The following CDC7 variants were observed in gnomAD, a reference collection of about 807,000 sequenced individuals.
The protein encoded by CDC7 is cell division cycle 7-related protein kinase.
A neutral mutation model predicts 53.5 loss-of-function variants in CDC7; 34 were observed. The ratio of observed to expected loss-of-function variants is 0.64; its 90% CI spans 0.48 to 0.85. The LOEUF (loss-of-function observed/expected upper bound fraction) is 0.85. Among genes scored for constraint, CDC7 ranks in the 40% least tolerant of loss-of-function variants. The probability of loss-of-function intolerance (pLI) is 0.00; values close to 1 mark genes in which losing one functional copy is unlikely to be tolerated. For synonymous variants in CDC7, 211 were observed against 222.8 expected, an observed-to-expected ratio of 0.95 and a Z score of 0.47; for missense variants, 594 against 679.7, an observed-to-expected ratio of 0.87 and a Z score of 1.40.
intron 1 of CDC7, 118 bp from the exon 2 acceptor site, chr1:91,501,536 T>A (rs1210837413): frequency 1.6e-6 from 1 of 614,274 alleles, no homozygotes; most frequent in Non-Finnish European, 2.9e-6. Context: ...TGCCCTACTG[T>A]GGAGGTTTGG....
intron 2 of CDC7, among the ~76,000 whole-genome samples, chr1:91,505,303 A>G (rs1453459120): frequency 6.6e-6 from 1 of 152,220 alleles, no homozygotes; most frequent in Admixed American, 6.5e-5. Flanking sequence ...AGATGTAAAG[A>G]GGCTTTCTAA....
At chr1:91,504,117 T>C (rs1467599991) in intron 2 of CDC7, among the ~76,000 whole-genome samples, 1 of 151,584 alleles carries the variant, frequency 6.6e-6, no homozygotes, top group African/African-American at 2.4e-5. Context: ...TTTTTTTTTT[T>C]TTTTGAGACA....
At chr1:91,523,515 G>A (rs1190217128) in intron 11 of CDC7, among the ~76,000 whole-genome samples, 2 of 152,088 alleles carry the variant, frequency 1.3e-5, no homozygotes, top group Non-Finnish European at 2.9e-5. Flanking sequence ...AGTAATAGTA[G>A]AACTCTCAAG....
chr1:91,521,122 T>G (rs1199433525), intron 11 of CDC7, among the ~76,000 whole-genome samples: 2 of 152,124 alleles, frequency 1.3e-5, no homozygotes, highest in Non-Finnish European at 2.9e-5. Context: ...ACCTCAAGAG[T>G]AGCTGGGCTG....
chr1:91,519,434 GA>G (rs1667792931), intron 10 of CDC7, among the ~76,000 whole-genome samples: 1 of 151,586 alleles, frequency 6.6e-6, no homozygotes, highest in Non-Finnish European at 1.5e-5. Context: ...GTCTCAAAAA[GA>G]AAAAAAGAAA....
chr1:91,505,082 T>C (rs998124471), intron 2 of CDC7, among the ~76,000 whole-genome samples: 5 of 152,192 alleles, frequency 3.3e-5, no homozygotes, highest in African/African-American at 1.2e-4. Context: ...CATAGCCTTC[T>C]GTAACATTTG....
At chr1:91,518,325 TGGAC>T (rs1267850194) in intron 10 of CDC7, among the ~76,000 whole-genome samples, 3 of 152,152 alleles carry the variant, frequency 2.0e-5, no homozygotes, top group Non-Finnish European at 4.4e-5. Context: ...GAAAACAATT[TGGAC>T]GTTCCTCAAA....
rs758985281 is a variant in CDC7 at position 91,514,059 on chromosome 1, T to C, written c.918+16T>C. 2 of 1,461,952 alleles carry C rather than the reference T, an allele frequency of 1.4e-6. No individual in the cohort carries two copies. Among genetic ancestry groups the C allele is most frequent in the South Asian group, 1.1e-5 (1 of 87,918 alleles). 90.6% of individuals were successfully genotyped at this position (1,461,952 alleles called of 1,614,324 possible). A position where few individuals can be genotyped will look rare whatever the true frequency, so the allele number is the denominator to read the frequency against. ...TGCAGTGAAAGTAAGTAATGTAGCT[T>C]AATAGCATAATGGTCAGTCAGTCAT... On this transcript the variant is annotated intron_variant, in intron 8 of 11. Coordinates refer to ENST00000234626, the MANE Select transcript of CDC7 (RefSeq NM_003503.4).
At chr1:91,501,055 C>G (rs534859964) in intron 1 of CDC7, 107 bp downstream of exon 1, 8 of 152,376 alleles carry the variant, frequency 5.3e-5, no homozygotes, top group Middle Eastern at 3.4e-3. Context: ...TTCCCGCCCC[C>G]CTTCGGATCC....
chr1:91,505,472 G>A (rs924296475), intron 2 of CDC7, among the ~76,000 whole-genome samples: 4 of 152,178 alleles, frequency 2.6e-5, no homozygotes, highest in African/African-American at 9.7e-5. Context: ...TGTAGTTAAG[G>A]AGACTATTGG....
chr1:91,504,300 T>G (rs1362937441), intron 2 of CDC7, among the ~76,000 whole-genome samples: 1 of 152,104 alleles, frequency 6.6e-6, no homozygotes, highest in Non-Finnish European at 1.5e-5. Context: ...AGAAACAGGA[T>G]CTTGCTATGT....
At chr1:91,513,510 TTGTC>T (rs1157222010) in intron 7 of CDC7, among the ~76,000 whole-genome samples, 3 of 152,202 alleles carry the variant, frequency 2.0e-5, no homozygotes, top group East Asian at 3.8e-4. Flanking sequence ...AAAATTTACT[TTGTC>T]AGTTTATAAC....
At position 91,524,227 on chromosome 1, in the gene CDC7, G is replaced by T; in HGVS notation, c.1517G>T (p.Gly506Val). 6.2e-7 allele frequency: 1 copy of T among 1,613,926 alleles called. No homozygotes were observed. Among genetic ancestry groups the T allele is most frequent in the South Asian group, 1.1e-5 (1 of 91,068 alleles). ...TCTTGCCTCGTTCAAACACCTCCAG[G>T]ACAATACTCAGGGAATTCATTTAAA... ...KASCLVQTPPGQYSGNSFKKG... is the reference protein window; with the variant it reads ...KASCLVQTPPVQYSGNSFKKG... Residue 506 changes from glycine (G) to valine (V), a missense_variant, in exon 12 of 12, where the codon GGA (glycine) becomes GTA (valine). Physicochemically the swap from Gly to Val is moderately radical, Grantham distance 109. Transcript: ENST00000234626.
chr1:91,517,122 T>G (rs1197373943), intron 10 of CDC7, among the ~76,000 whole-genome samples: 1 of 152,160 alleles, frequency 6.6e-6, no homozygotes, highest in Non-Finnish European at 1.5e-5. Flanking sequence ...TGGTGAGAGA[T>G]AAACCTGGAA....
Position 91,508,357 on chromosome 1 carries a change from A to T in CDC7, c.295A>T (p.Ile99Leu), listed in dbSNP as rs13447492. Residue 99 changes from isoleucine to leucine, a missense_variant, in exon 4 of 12, where the codon ATA becomes TTA. Physicochemically the swap from Ile to Leu is conservative, Grantham distance 5 (BLOSUM62 2). Transcript: ENST00000234626. Reference protein sequence around the residue: ...LKHLIPTSHPIRIAAELQCLT... With the variant: ...LKHLIPTSHPLRIAAELQCLT... ...ACACTTGATTCCAACAAGTCATCCT[A>T]TAAGAATTGCAGCTGAACTTCAGTG... 150 of 1,612,280 alleles carry T rather than the reference A, an allele frequency of 9.3e-5. No homozygotes were observed. Among genetic ancestry groups the T allele is most frequent in the Non-Finnish European group, 1.2e-4 (144 of 1,178,934 alleles).
chr1:91,501,333 C>A, intron 1 of CDC7: 1 of 208,090 alleles, frequency 4.8e-6, no homozygotes, highest in Non-Finnish European at 9.8e-6. Context: ...TTCCTGACTT[C>A]AAACCGCCCC....
rs1667465597 is a variant in CDC7, at chr1:91,514,709, T to C, written c.919-110T>C. ...CAGTTTATTTACAGTCCAATAGCCA[T>C]TCAGCAGTTTTTAAAGTTATGCTTC... On this transcript the variant is annotated intron_variant, in intron 8 of 11. Transcript: ENST00000234626. 4.0e-6 allele frequency: 3 copies of C among 746,890 alleles called. No homozygotes were observed. The South Asian group carries it at 6.8e-5, about 17-fold the overall frequency. 46.3% of individuals were successfully genotyped at this position (746,890 alleles called of 1,614,324 possible). A position where few individuals can be genotyped will look rare whatever the true frequency, so the allele number is the denominator to read the frequency against.
At chr1:91,521,835 G>A (rs1667963811) in intron 11 of CDC7, among the ~76,000 whole-genome samples, 1 of 151,752 alleles carries the variant, frequency 6.6e-6, no homozygotes, top group Non-Finnish European at 1.5e-5. Context: ...GCAAGCAAGA[G>A]CTTTTAGAGA....
At position 91,515,004 on chromosome 1, in the gene CDC7, T is replaced by C; in HGVS notation, c.1097+7T>C. ...GTAGTATTTGCCTTTCAAGGTAATG[T>C]GTTTTGATGGTGTTATAAAATCACC... On this transcript the variant is annotated splice_region_variant and intron_variant, in intron 9 of 11. Coordinates refer to ENST00000234626, the MANE Select transcript of CDC7 (RefSeq NM_003503.4). 1 of 1,604,536 alleles carries C rather than the reference T, an allele frequency of 6.2e-7. No individual in the cohort carries two copies. The highest frequency in any genetic ancestry group is 1.1e-5 in the South Asian group (1 of 89,316).
Sources: gnomAD v4.1 joint callset for allele counts (sites outside exome capture counted in the v4.1 genomes callset) on GRCh38, gnomAD v4.1.1 for gene constraint, MANE v1.5 for transcripts, NCBI Gene and HGNC (gene_info 2026-07-23, HGNC 2026-07-21) for gene names.